TRANK1: variants seen among roughly 807,000 people sequenced by gnomAD.
TRANK1 encodes the protein tetratricopeptide repeat and ankyrin repeat containing 1.
TRANK1 carries 198 observed loss-of-function variants against 266.0 expected under a neutral mutation model. That is an observed-to-expected ratio of 0.74 (90% confidence interval 0.66 to 0.84). The LOEUF is 0.84. Among genes scored for constraint, TRANK1 ranks in the 40% least tolerant of loss-of-function variants. TRANK1 has a pLI of 0.00. For missense variants in TRANK1, 3,326 were observed against 3,634.6 expected (o/e 0.92, Z 2.18); for synonymous variants, 1,396 against 1,384.1 (o/e 1.01, Z -0.19).
intron 15 of TRANK1, 167 bp downstream of exon 15, chr3:36,851,552 C>T (rs759805440): frequency 9.9e-6 from 12 of 1,211,422 alleles, no homozygotes; most frequent in Middle Eastern, 2.9e-4. Flanking sequence ...AATGTCAAAA[C>T]CCACATCTAA....
chr3:36,905,790 C>T (rs185613561), intron 2 of TRANK1, among the ~76,000 whole-genome samples: 10 of 152,304 alleles, frequency 6.6e-5, no homozygotes, highest in Admixed American at 2.0e-4. Context: ...TTGGTTTAGA[C>T]ACCATCCCTG....
At chr3:36,884,071 T>A (rs1446312606) in intron 8 of TRANK1, among the ~76,000 whole-genome samples, 1 of 152,216 alleles carries the variant, frequency 6.6e-6, no homozygotes, top group African/African-American at 2.4e-5. Flanking sequence ...AATAAGTAAA[T>A]ATATTGTAGA....
chr3:36,936,551 T>C (rs1480803506), intron 1 of TRANK1, among the ~76,000 whole-genome samples: 2 of 151,952 alleles, frequency 1.3e-5, no homozygotes. Flanking sequence ...ACACTTAATT[T>C]TGCCAAAAAA....
chr3:36,856,524 G>A lies in TRANK1; in HGVS notation c.3198C>T (p.Pro1066=). ...TAAGGATGATGGGCTCCAGTGGCCT[G>A]GGATTGAGGTCGATCACCGCGTACT... is the stretch of plus-strand genomic sequence containing the variant. ...ELEYAVIDLN[P]RPLEPIILIG... Residue 1066 remains proline, a synonymous_variant, in exon 13 of 24, where the codon CCC becomes CCT. Coordinates refer to ENST00000645898, the MANE Select transcript of TRANK1 (RefSeq NM_001329998.2). The A allele has an allele frequency of 6.2e-7, 1 of 1,613,984 alleles. No homozygotes were observed. Among genetic ancestry groups the A allele is most frequent in the Non-Finnish European group, 8.5e-7 (1 of 1,179,896 alleles).
At chr3:36,903,381 G>A in intron 2 of TRANK1, 106 bp from the exon 3 acceptor site, 3 of 1,385,496 alleles carry the variant, frequency 2.2e-6, no homozygotes, top group Non-Finnish European at 2.9e-6. Context: ...GGGGGTTTCA[G>A]TAGGAAATGA....
At chr3:36,867,539 G>C (rs1575228420) in intron 9 of TRANK1, among the ~76,000 whole-genome samples, 1 of 152,334 alleles carries the variant, frequency 6.6e-6, no homozygotes, top group South Asian at 2.1e-4. Flanking sequence ...CTTGGCAGGA[G>C]GGCTGTGGGT....
intron 1 of TRANK1, among the ~76,000 whole-genome samples, chr3:36,915,426 A>G (rs879305189): frequency 6.6e-6 from 1 of 152,186 alleles, no homozygotes; most frequent in African/African-American, 2.4e-5. Flanking sequence ...TATTTGAACT[A>G]TATGTTATTG....
intron 22 of TRANK1, 31 bp from the exon 23 acceptor site, chr3:36,829,693 A>G: frequency 1.2e-6 from 2 of 1,606,070 alleles, no homozygotes; most frequent in Non-Finnish European, 8.5e-7. Context: ...GGCTCTGAGT[A>G]AAGATGCCAT....
chr3:36,839,802 C>T (rs2078819215), intron 18 of TRANK1, among the ~76,000 whole-genome samples: 1 of 152,194 alleles, frequency 6.6e-6, no homozygotes, highest in Non-Finnish European at 1.5e-5. Context: ...AAATATAATG[C>T]TTGGCCCATA....
intron 1 of TRANK1, among the ~76,000 whole-genome samples, chr3:36,935,804 C>T (rs2080418056): frequency 6.6e-6 from 1 of 152,166 alleles, no homozygotes; most frequent in Non-Finnish European, 1.5e-5. Flanking sequence ...ATTTCTGCAA[C>T]CCAAGGGCTC....
intron 8 of TRANK1, among the ~76,000 whole-genome samples, chr3:36,883,502 C>T (rs1228165067): frequency 6.9e-6 from 1 of 144,848 alleles, no homozygotes; most frequent in Non-Finnish European, 1.5e-5. Context: ...GAAAACGTGC[C>T]AAAGAGTATC....
chr3:36,862,356 A>C (rs978783325), intron 10 of TRANK1, among the ~76,000 whole-genome samples: 1 of 152,216 alleles, frequency 6.6e-6, no homozygotes, highest in Non-Finnish European at 1.5e-5. Flanking sequence ...TAAAATGAAT[A>C]TTCATTTTAA....
chr3:36,848,178 G>A (rs2078940406), intron 15 of TRANK1, among the ~76,000 whole-genome samples: 2 of 152,190 alleles, frequency 1.3e-5, no homozygotes, highest in Admixed American at 1.3e-4. Context: ...GTAAATGAAT[G>A]AGTGTGTCAT....
intron 9 of TRANK1, among the ~76,000 whole-genome samples, chr3:36,867,150 C>T (rs186956881): frequency 6.6e-6 from 1 of 151,918 alleles, no homozygotes; most frequent in Admixed American, 6.6e-5. Flanking sequence ...CATCTTCATC[C>T]TAAAATACCT....
chr3:36,899,045 C>T (rs2079836401), intron 4 of TRANK1, 64 bp downstream of exon 4: 1 of 1,504,152 alleles, frequency 6.6e-7, no homozygotes, highest in East Asian at 2.5e-5. Context: ...GAGCCTGAGT[C>T]CCCAGGAGCT....
chr3:36,852,422 T>A (rs1459999771), intron 13 of TRANK1, 77 bp from the exon 14 acceptor site: 4 of 1,353,870 alleles, frequency 3.0e-6, no homozygotes, highest in Non-Finnish European at 4.0e-6. Flanking sequence ...GTGGGGGACA[T>A]GTTTTTCCTG....
At chr3:36,843,095 A>T (rs2078870104) in intron 17 of TRANK1, among the ~76,000 whole-genome samples, 1 of 152,218 alleles carries the variant, frequency 6.6e-6, no homozygotes, top group East Asian at 1.9e-4. Flanking sequence ...TCTAGCCTTC[A>T]GAACTGTGAG....
chr3:36,864,875 G>A (rs2079191985), intron 9 of TRANK1, among the ~76,000 whole-genome samples: 1 of 152,108 alleles, frequency 6.6e-6, no homozygotes, highest in Non-Finnish European at 1.5e-5. Context: ...CTATAGATGT[G>A]AAAGAAACCA....
rs1180042549 is a variant in TRANK1 at position 36,918,606 on chromosome 3, G to GGAAAGAAAGAAAGAAA, written c.24-10168_24-10153dup. ...AGGAAGGAAGGAAGGAAGGAAGGAAGGAAAGAAAGAAAGAAAGAAAGAAAG... is the reference window on the plus strand; with the variant it reads ...AGGAAGGAAGGAAGGAAGGAAGGAAGGAAAGAAAGAAAGAAAGAAAGAAAGAAAGAAAGAAAGAAAG... On this transcript the variant is annotated intron_variant, in intron 1 of 23. Coordinates refer to ENST00000645898, the MANE Select transcript of TRANK1 (RefSeq NM_001329998.2). Among the ~76,000 whole-genome samples the GGAAAGAAAGAAAGAAA allele has an allele frequency of 2.7e-3, 60 of 22,118 alleles. 5 individuals are homozygous for GGAAAGAAAGAAAGAAA. Among genetic ancestry groups the GGAAAGAAAGAAAGAAA allele is most frequent in the Non-Finnish European group, 3.1e-3 (31 of 9,846 alleles). The allele number at this position is 22,118 out of a possible 152,430, so 14.5% of individuals were successfully genotyped here. A position where few individuals can be genotyped will look rare whatever the true frequency, so the allele number is the denominator to read the frequency against.
Sources: gnomAD v4.1 joint callset for allele counts (sites outside exome capture counted in the v4.1 genomes callset) on GRCh38, gnomAD v4.1.1 for gene constraint, MANE v1.5 for transcripts, NCBI Gene and HGNC (gene_info 2026-07-23, HGNC 2026-07-21) for gene names.